LRP2BP: variants seen among roughly 807,000 people sequenced by gnomAD.
The protein encoded by LRP2BP is LRP2 binding protein, also known as LRP2-binding protein.
Under a neutral mutation model 45.2 loss-of-function variants are expected in LRP2BP, and 38 were observed. The ratio of observed to expected loss-of-function variants is 0.84; its 90% CI spans 0.65 to 1.10. The LOEUF (loss-of-function observed/expected upper bound fraction) is 1.10. LRP2BP is among the 50% of genes least tolerant of loss of function. The pLI, the probability that LRP2BP is intolerant of heterozygous loss-of-function variation, is 0.00. For synonymous variants in LRP2BP, 153 were observed against 153.9 expected (o/e 0.99, Z 0.04); for missense variants, 385 against 418.9 (o/e 0.92, Z 0.71).
upstream of LRP2BP, chr4:185,397,115 G>C (rs772747190): frequency 5.6e-6 from 9 of 1,611,740 alleles, no homozygotes; most frequent in Non-Finnish European, 7.6e-6. Flanking sequence ...CTGGACAAAG[G>C]TGGGAAGGGT....
chr4:185,376,331 G>A (rs185697063), intron 3 of LRP2BP, among the ~76,000 whole-genome samples: 110 of 152,234 alleles, frequency 7.2e-4, no homozygotes, highest in South Asian at 3.3e-3. Context: ...AGGCTGGAGT[G>A]CAGTGGCACG....
Position 185,364,100 on chromosome 4 carries a change from T to C in LRP2BP, c.*3080A>G, listed in dbSNP as rs568253889. 6.6e-6 allele frequency: 1 copy of C among 152,502 alleles called. No homozygotes were observed. The highest frequency in any genetic ancestry group is 1.5e-5 in the Non-Finnish European group (1 of 68,022). The allele number at this position is 152,502 out of a possible 1,614,324, so 9.4% of individuals were successfully genotyped here. On this transcript the variant is annotated 3_prime_UTR_variant, in exon 9 of 9. Transcript: ENST00000505916. ...AACTACTTCTGCAGGGAAGTAAAAG[T>C]TTGCTGCCTTCTCCAGAAACAAAAT...
chr4:185,371,441 C>T (rs994980976), intron 7 of LRP2BP, among the ~76,000 whole-genome samples: 2 of 149,418 alleles, frequency 1.3e-5, no homozygotes, highest in African/African-American at 4.9e-5. Flanking sequence ...ACTCGGGAGG[C>T]TGAGGCAGGA....
At chr4:185,370,531 T>A in intron 8 of LRP2BP, 109 bp downstream of exon 8, 1 of 1,116,446 alleles carries the variant, frequency 9.0e-7, no homozygotes, top group South Asian at 1.5e-5. Flanking sequence ...AGAGGTTATC[T>A]GCACAGTAAT....
At position 185,378,124 on chromosome 4, in the gene LRP2BP, A is replaced by G; in HGVS notation, c.63T>C (p.Ala21=). The change falls in exon 2 of 9, where the codon GCT becomes GCC. Residue 21 remains alanine, a synonymous_variant. Transcript: ENST00000505916. ...NPFYASVSQY[A]AKNQKFFQWK... ...ACTGGAAAAATTTTTGGTTTTTAGC[A>G]GCATACTGAGATACAGAGGCATAAA... The G allele has an allele frequency of 6.2e-7, 1 of 1,614,036 alleles. No individual in the cohort carries two copies.
In LRP2BP at chr4:185,395,216, AACT is replaced by A. The variant is rs1443091593; in HGVS notation, c.-462_-460del. On this transcript the variant is annotated 5_prime_UTR_variant, in exon 1 of 9. Coordinates refer to ENST00000505916, the MANE Select transcript of LRP2BP (RefSeq NM_001377440.1). Reference sequence around the variant, plus strand: ...CGTATGTAACAGGAAGTTAAAAAATAACTACCACTTAATGCATACTGAACAGAA... The same window carrying A: ...CGTATGTAACAGGAAGTTAAAAAATAACCACTTAATGCATACTGAACAGAA... 32 of 985,418 alleles carry A rather than the reference AACT, an allele frequency of 3.2e-5. No homozygotes were observed. In the African/African-American group the frequency reaches 4.4e-4, roughly 13 times the overall value. 61.0% of individuals were successfully genotyped at this position (985,418 alleles called of 1,614,324 possible). A position where few individuals can be genotyped will look rare whatever the true frequency, so the allele number is the denominator to read the frequency against.
At chr4:185,371,679 A>G (rs2095416666) in intron 7 of LRP2BP, among the ~76,000 whole-genome samples, 1 of 152,188 alleles carries the variant, frequency 6.6e-6, no homozygotes, top group Admixed American at 6.5e-5. Context: ...GGGATGTGGA[A>G]AATAAGGGAA....
In LRP2BP at chr4:185,370,780, T is replaced by C. The variant is rs1389306040; in HGVS notation, c.838A>G (p.Met280Val). 5 of 1,613,966 alleles carry C rather than the reference T, an allele frequency of 3.1e-6. No individual in the cohort carries two copies. Among genetic ancestry groups the C allele is most frequent in the African/African-American group, 2.7e-5 (2 of 74,890 alleles). The change falls in exon 8 of 9, where the codon ATG becomes GTG. Residue 280 changes from methionine to valine, a missense_variant. Met to Val is a conservative substitution (Grantham distance 21). Transcript: ENST00000505916. ...ADYDEVHDIPMIAQVTDCLPE... is the reference protein window; with the variant it reads ...ADYDEVHDIPVIAQVTDCLPE... Reference sequence around the variant, plus strand: ...AGACAGTCTGTGACCTGGGCGATCATGGGGATGTCGTGAACCTCATCATAG... The same window carrying C: ...AGACAGTCTGTGACCTGGGCGATCACGGGGATGTCGTGAACCTCATCATAG...
intron 7 of LRP2BP, among the ~76,000 whole-genome samples, chr4:185,372,310 C>T (rs2095418716): frequency 6.6e-6 from 1 of 152,224 alleles, no homozygotes. Context: ...GCTAGTAGCA[C>T]TGAAATCCTG....
At chr4:185,379,675 A>G (rs2095449485) in intron 1 of LRP2BP, among the ~76,000 whole-genome samples, 1 of 152,230 alleles carries the variant, frequency 6.6e-6, no homozygotes, top group South Asian at 2.1e-4. Context: ...ACTTTACGAA[A>G]TAAGGTTCAT....
At chr4:185,377,761 G>C (rs927277879) in intron 2 of LRP2BP, 14 of 208,552 alleles carry the variant, frequency 6.7e-5, no homozygotes, top group African/African-American at 3.2e-4. Flanking sequence ...GGGAAGATAA[G>C]GTATTTAAAT....
At chr4:185,378,511 A>C in intron 1 of LRP2BP, 1 of 1,072,672 alleles carries the variant, frequency 9.3e-7, no homozygotes, top group Non-Finnish European at 1.1e-6. Context: ...CACCCAGCAC[A>C]AGTGTTGCCA....
chr4:185,392,894 T>TA (rs1284707202), intron 1 of LRP2BP, among the ~76,000 whole-genome samples: 3 of 152,204 alleles, frequency 2.0e-5, no homozygotes, highest in Admixed American at 6.5e-5. Flanking sequence ...TCAAGGGATT[T>TA]AAAAAATACA....
chr4:185,378,189 T>A lies in LRP2BP; in HGVS notation c.-3A>T, dbSNP rs754569162. 15 of 1,612,750 alleles carry A rather than the reference T, an allele frequency of 9.3e-6. No homozygotes were observed. The highest frequency in any genetic ancestry group is 1.3e-5 in the Non-Finnish European group (15 of 1,179,530). The stretch of plus-strand genomic sequence containing the variant: ...AACTTTTCACTGGTCAACTTCATCC[T>A]TTTTCTGCAATGTGTATTCTATAAG... On this transcript the variant is annotated 5_prime_UTR_variant, in exon 2 of 9. The change creates a new upstream start codon in the 5' untranslated region. Transcript: ENST00000505916.
Position 185,366,415 on chromosome 4 carries a change from G to C in LRP2BP, c.*765C>G, listed in dbSNP as rs1424313936. On this transcript the variant is annotated 3_prime_UTR_variant, in exon 9 of 9. Transcript: ENST00000505916. ...TGCTTTTTGTTTTATTACACATTCT[G>C]CATATGTATGTAGCAGTTGTTTTAC... 2.0e-5 allele frequency: 3 copies of C among 152,142 alleles called. No homozygotes were observed. Among genetic ancestry groups the C allele is most frequent in the African/African-American group, 7.2e-5 (3 of 41,422 alleles). The allele number at this position is 152,142 out of a possible 1,614,324, so 9.4% of individuals were successfully genotyped here.
intron 1 of LRP2BP, chr4:185,379,035 T>G: frequency 5.3e-6 from 5 of 946,956 alleles, no homozygotes; most frequent in Non-Finnish European, 6.3e-6. Flanking sequence ...GAGAATGAAG[T>G]GCAGAAAAAA....
At chr4:185,378,977 T>A (rs1434450282) in intron 1 of LRP2BP, 4 of 985,140 alleles carry the variant, frequency 4.1e-6, no homozygotes, top group Non-Finnish European at 4.8e-6. Flanking sequence ...GAAAGCTGCA[T>A]TTTTATATCA....
chr4:185,372,107 C>T (rs1212083735), intron 7 of LRP2BP, among the ~76,000 whole-genome samples: 2 of 152,146 alleles, frequency 1.3e-5, no homozygotes, highest in African/African-American at 2.4e-5. Flanking sequence ...ACCATATTCT[C>T]ATGTTACAGT....
intron 4 of LRP2BP, among the ~76,000 whole-genome samples, chr4:185,375,374 C>T (rs1254552059): frequency 7.1e-5 from 10 of 140,648 alleles, no homozygotes; most frequent in Non-Finnish European, 1.1e-4. Context: ...AAGAATCACT[C>T]GAACCCGGGA....
Sources: gnomAD v4.1 joint callset for allele counts (sites outside exome capture counted in the v4.1 genomes callset) on GRCh38, gnomAD v4.1.1 for gene constraint, MANE v1.5 for transcripts, NCBI Gene and HGNC (gene_info 2026-07-23, HGNC 2026-07-21) for gene names.